Variants in ALPK3 observed in about 807,000 individuals in gnomAD.
ALPK3 encodes the protein alpha kinase 3.
Under a neutral mutation model 140.0 loss-of-function variants are expected in ALPK3, and 102 were observed. That is an observed-to-expected ratio of 0.73 (90% CI 0.62 to 0.86). ALPK3 has a LOEUF of 0.86. ALPK3 is among the 40% of genes least tolerant of loss of function. ALPK3 has a pLI of 0.00. For missense variants in ALPK3, 2,254 were observed against 2,208.2 expected (o/e 1.02, Z -0.42); for synonymous variants, 938 against 898.5 (o/e 1.04, Z -0.79).
rs775424592 is a variant in ALPK3, at chr15:84,840,812, G to A, written c.1533G>A (p.Gln511=). 1.9e-6 allele frequency: 3 copies of A among 1,614,244 alleles called. No homozygotes were observed. The highest frequency in any genetic ancestry group is 1.7e-6 in the Non-Finnish European group (2 of 1,180,042). The change falls in exon 5 of 14, where the codon CAG becomes CAA. Residue 511 remains glutamine, a synonymous_variant. Coordinates refer to ENST00000258888, the MANE Select transcript of ALPK3 (RefSeq NM_020778.5). Reference sequence around the variant, plus strand: ...GTCAAGCTCCAGAATGCGGGGCCCAGAGCTTAGGAAAGGCCCCACCTCAGG... The same window carrying A: ...GTCAAGCTCCAGAATGCGGGGCCCAAAGCTTAGGAAAGGCCCCACCTCAGG... ...SLSQAPECGA[Q]SLGKAPPQAS... is the part of the protein sequence containing the mutation.
Position 84,862,914 on chromosome 15 carries a change from A to G in ALPK3, c.4409A>G (p.Gln1470Arg), listed in dbSNP as rs765694865. The change falls in exon 10 of 14, where the codon CAG (glutamine) becomes CGG (arginine). Residue 1470 changes from glutamine to arginine, a missense_variant and splice_region_variant. Transcript: ENST00000258888. ...GGCAGAAACTACGACGTCACCATCC[A>G]GGTACTATGTCCCATCTTCACACCC... ...LVGRNYDVTIQGCKIQNMSRE... is the reference protein window; with the variant it reads ...LVGRNYDVTIRGCKIQNMSRE... The G allele has an allele frequency of 6.2e-7, 1 of 1,612,952 alleles. No homozygotes were observed. The highest frequency in any genetic ancestry group is 1.7e-5 in the Admixed American group (1 of 59,962).
intron 2 of ALPK3, among the ~76,000 whole-genome samples, chr15:84,826,599 A>AG (rs1003552580): frequency 2.6e-5 from 4 of 152,108 alleles, no homozygotes; most frequent in Admixed American, 2.0e-4. Context: ...CCCAGGAAGG[A>AG]GAAGACTGTA....
Position 84,870,191 on chromosome 15 carries a change from C to T in ALPK3, c.*1735C>T, listed in dbSNP as rs1964052819. ...TTTTCATTCCCACCCCCACCCGGAA[C>T]CTCCCCTTGCCTAACATTTCCCCTC... On this transcript the variant is annotated 3_prime_UTR_variant, in exon 14 of 14. Coordinates refer to ENST00000258888, the MANE Select transcript of ALPK3 (RefSeq NM_020778.5). 1 of 151,684 alleles carries T rather than the reference C, an allele frequency of 6.6e-6. No individual in the cohort carries two copies. The highest frequency in any genetic ancestry group is 2.1e-4 in the South Asian group (1 of 4,804). The allele number at this position is 151,684 out of a possible 1,614,324, so 9.4% of individuals were successfully genotyped here.
chr15:84,853,597 G>A (rs1963829558), intron 5 of ALPK3, among the ~76,000 whole-genome samples: 1 of 152,126 alleles, frequency 6.6e-6, no homozygotes, highest in African/African-American at 2.4e-5. Context: ...CTGGGTGACA[G>A]AGCGAGACTC....
chr15:84,845,115 G>C (rs1237590854), intron 5 of ALPK3, among the ~76,000 whole-genome samples: 1 of 151,238 alleles, frequency 6.6e-6, no homozygotes, highest in Non-Finnish European at 1.5e-5. Flanking sequence ...AAGTACCACT[G>C]AACCTACGGT....
In ALPK3 at chr15:84,856,821, G is replaced by C; in HGVS notation, c.2083G>C (p.Asp695His). Residue 695 changes from aspartate (D) to histidine (H), a missense_variant, in exon 6 of 14, where the codon GAC becomes CAC. By Grantham distance (81) the Asp-to-His change is moderately conservative. Transcript: ENST00000258888. The stretch of plus-strand genomic sequence containing the variant: ...CCAGGCAGATAAGGGCACACAGGAA[G>C]ACAGAAGGATGCAGGGAGAGAAGGG... ...KAQADKGTQEDRRMQGEKGMQ... is the reference protein window; with the variant it reads ...KAQADKGTQEHRRMQGEKGMQ... The C allele has an allele frequency of 6.2e-7, 1 of 1,614,102 alleles. No homozygotes were observed. Among genetic ancestry groups the C allele is most frequent in the Non-Finnish European group, 8.5e-7 (1 of 1,180,022 alleles).
rs753192059 is a variant in ALPK3 at position 84,868,375 on chromosome 15, G to A, written c.5037G>A (p.Gln1679=). Residue 1679 remains glutamine, a synonymous_variant, in exon 14 of 14, where the codon CAG becomes CAA. Coordinates refer to ENST00000258888, the MANE Select transcript of ALPK3 (RefSeq NM_020778.5). ...CTCCAAGTTCCAAGGCCACCCCTCA[G>A]GCCTCAGAGCCAGTCACCACTCAGT... is the stretch of plus-strand genomic sequence containing the variant. ...KSAPSSKATP[Q]ASEPVTTQLL... 5.6e-6 allele frequency: 9 copies of A among 1,613,922 alleles called. No homozygotes were observed. The South Asian group carries it at 8.8e-5, about 16-fold the overall frequency.
chr15:84,825,888 T>A (rs898801842), intron 2 of ALPK3, among the ~76,000 whole-genome samples: 17 of 152,146 alleles, frequency 1.1e-4, no homozygotes, highest in African/African-American at 3.4e-4. Context: ...TATTTCTGAG[T>A]GGCTTAAGAA....
chr15:84,823,460 G>C, intron 2 of ALPK3, 92 bp downstream of exon 2: 1 of 1,434,136 alleles, frequency 7.0e-7, no homozygotes, highest in African/African-American at 1.4e-5. Flanking sequence ...GCACTAACCA[G>C]GCTGCATGGG....
intron 5 of ALPK3, among the ~76,000 whole-genome samples, chr15:84,849,724 C>G (rs1234589293): frequency 6.6e-6 from 1 of 152,054 alleles, no homozygotes; most frequent in East Asian, 1.9e-4. Context: ...GAAAATACAA[C>G]ATACCAAAAT....
intron 5 of ALPK3, chr15:84,852,678 C>A: frequency 5.2e-6 from 1 of 191,974 alleles, no homozygotes; most frequent in Non-Finnish European, 1.1e-5. Context: ...CCAAGATTGG[C>A]CACAGTTAAC....
rs1243741674 is a variant in ALPK3, at chr15:84,868,269, CT to C, written c.4932del (p.Ala1645LeufsTer8). On this transcript the variant is annotated frameshift_variant, in exon 14 of 14. Coordinates refer to ENST00000258888, the MANE Select transcript of ALPK3 (RefSeq NM_020778.5). LOFTEE classifies it high-confidence loss of function. ...QAKAKGSKSP[S>X]AGRKGSQLSP... ...AAAGCCAAAGGCTCTAAGAGTCCAT[CT>C]GCTGGCAGGAAAGGCTCCCAGCTGA... The C allele has an allele frequency of 6.2e-7, 1 of 1,614,192 alleles. No individual in the cohort carries two copies. The highest frequency in any genetic ancestry group is 1.7e-5 in the Admixed American group (1 of 60,024).
At chr15:84,867,275 C>T in intron 12 of ALPK3, 42 bp from the exon 13 acceptor site, 2 of 1,609,736 alleles carry the variant, frequency 1.2e-6, no homozygotes, top group South Asian at 1.1e-5. Flanking sequence ...GGCTTAGAGC[C>T]AGCCCAGACT....
chr15:84,825,551 C>G (rs993347708), intron 2 of ALPK3, among the ~76,000 whole-genome samples: 3 of 152,168 alleles, frequency 2.0e-5, no homozygotes, highest in Non-Finnish European at 4.4e-5. Flanking sequence ...TCTCACTTAT[C>G]CAGTAGCTGA....
At position 84,857,273 on chromosome 15, in the gene ALPK3, G is replaced by T; in HGVS notation, c.2535G>T (p.Gly845=). 1 of 1,614,092 alleles carries T rather than the reference G, an allele frequency of 6.2e-7. No homozygotes were observed. Among genetic ancestry groups the T allele is most frequent in the South Asian group, 1.1e-5 (1 of 91,078 alleles). The change falls in exon 6 of 14, where the codon GGG becomes GGT. Residue 845 remains glycine (G), a synonymous_variant. Transcript: ENST00000258888. ...PFQCPKEERP[G]GVPCMDQGGC... ...AGTGCCCCAAGGAGGAGCGGCCAGGGGGAGTGCCGTGTATGGATCAGGGTG... is the reference window on the plus strand; with the variant it reads ...AGTGCCCCAAGGAGGAGCGGCCAGGTGGAGTGCCGTGTATGGATCAGGGTG...
Position 84,858,132 on chromosome 15 carries a change from A to T in ALPK3, c.3394A>T (p.Ser1132Cys), listed in dbSNP as rs1375556593. ...AAPGQGPSAE[S>C]IAQEPSQEEK... ...CCCTGGACAGGGGCCCTCAGCAGAG[A>T]GCATAGCCCAGGAGCCCTCCCAAGA... Residue 1132 changes from serine to cysteine, a missense_variant, in exon 6 of 14, where the codon AGC becomes TGC. Physicochemically the swap from Ser to Cys is moderately radical, Grantham distance 112. Around this residue, in one of 3 missense-constraint regions of ALPK3, gnomAD observed 2,088 missense variants for 2,022.9 expected, o/e 1.03. Transcript: ENST00000258888. The T allele has an allele frequency of 1.9e-6, 3 of 1,593,152 alleles. No individual in the cohort carries two copies. The highest frequency in any genetic ancestry group is 2.6e-6 in the Non-Finnish European group (3 of 1,172,070).
chr15:84,865,044 C>T (rs2141574452), intron 12 of ALPK3, among the ~76,000 whole-genome samples: 1 of 152,346 alleles, frequency 6.6e-6, no homozygotes, highest in Non-Finnish European at 1.5e-5. Flanking sequence ...CTCCAAGCTT[C>T]CCAAACTCTC....
chr15:84,842,540 G>A (rs1963679006), intron 5 of ALPK3, among the ~76,000 whole-genome samples: 1 of 152,150 alleles, frequency 6.6e-6, no homozygotes, highest in Non-Finnish European at 1.5e-5. Context: ...AAGCACATGA[G>A]GGACAAGCTG....
At chr15:84,854,269 ACTT>A (rs1347431156) in intron 5 of ALPK3, among the ~76,000 whole-genome samples, 3 of 144,008 alleles carry the variant, frequency 2.1e-5, no homozygotes, top group African/African-American at 7.6e-5. Flanking sequence ...CAGTGTTTTC[ACTT>A]CTTCTCTGCA....
Sources: allele counts gnomAD v4.1 joint callset (sites outside exome capture counted in the v4.1 genomes callset), GRCh38; gene constraint gnomAD v4.1.1; regional missense constraint gnomAD v4.1.1; transcripts MANE v1.5; gene names NCBI Gene and HGNC (gene_info 2026-07-23, HGNC 2026-07-21).